ITFG1: variants seen among roughly 807,000 people sequenced by gnomAD.
ITFG1 encodes integrin alpha FG-GAP repeat containing 1.
Under a neutral mutation model 81.8 loss-of-function variants are expected in ITFG1, and 34 were observed. That is an observed-to-expected ratio of 0.42 (90% confidence interval 0.32 to 0.55). The LOEUF is 0.55. Among genes scored for constraint, ITFG1 ranks in the 20% least tolerant of loss-of-function variants. ITFG1 has a pLI of 0.17. For synonymous variants in ITFG1, 285 were observed against 270.6 expected, an observed-to-expected ratio of 1.05 and a Z score of -0.52; for missense variants, 672 against 755.4, an observed-to-expected ratio of 0.89 and a Z score of 1.29.
chr16:47,156,137 A>C (rs1387021739), intron 17 of ITFG1, among the ~76,000 whole-genome samples: 1 of 152,202 alleles, frequency 6.6e-6, no homozygotes, highest in African/African-American at 2.4e-5. Flanking sequence ...AATGATGTTA[A>C]TAAACAAATC....
intron 4 of ITFG1, 148 bp downstream of exon 4, chr16:47,452,585 T>C: frequency 5.0e-6 from 3 of 604,098 alleles, no homozygotes; most frequent in South Asian, 4.3e-5. Context: ...TTGTCCTATC[T>C]GATGGCAAAT....
intron 14 of ITFG1, among the ~76,000 whole-genome samples, chr16:47,174,834 T>C (rs1965005390): frequency 6.6e-6 from 1 of 152,202 alleles, no homozygotes; most frequent in Admixed American, 6.5e-5. Flanking sequence ...TGAAAGGTTT[T>C]AAACCACAAG....
chr16:47,458,375 C>T (rs868036655), intron 2 of ITFG1, among the ~76,000 whole-genome samples: 2 of 152,154 alleles, frequency 1.3e-5, no homozygotes, highest in Non-Finnish European at 2.9e-5. Context: ...CCAAGTTGAA[C>T]GTCTTCACCT....
chr16:47,360,819 C>G (rs1173557967), intron 8 of ITFG1, among the ~76,000 whole-genome samples: 1 of 152,150 alleles, frequency 6.6e-6, no homozygotes, highest in East Asian at 1.9e-4. Context: ...GCTATAAATG[C>G]TTTGAAATCA....
chr16:47,357,459 A>T (rs528352617), intron 8 of ITFG1, among the ~76,000 whole-genome samples: 1 of 152,068 alleles, frequency 6.6e-6, no homozygotes, highest in Non-Finnish European at 1.5e-5. Context: ...CTAAAAATAC[A>T]AAACAATTAG....
Position 47,454,165 on chromosome 16 carries a change from G to C in ITFG1, c.282-7C>G. 1 of 1,590,446 alleles carries C rather than the reference G, an allele frequency of 6.3e-7. No individual in the cohort carries two copies. The highest frequency in any genetic ancestry group is 8.6e-7 in the Non-Finnish European group (1 of 1,165,338). On this transcript the variant is annotated splice_region_variant and splice_polypyrimidine_tract_variant and intron_variant, in intron 2 of 17. Transcript: ENST00000320640. ...TATCAATGCACTGTGATTCCTAAAA[G>C]AAACAAGCATTTACAAATATCAGAC...
intron 8 of ITFG1, among the ~76,000 whole-genome samples, chr16:47,336,047 C>T (rs559569950): frequency 1.1e-4 from 17 of 152,274 alleles, no homozygotes; most frequent in South Asian, 4.1e-4. Context: ...GAACAAATTA[C>T]GAATACATAT....
chr16:47,390,750 G>A (rs1968520250), intron 6 of ITFG1, among the ~76,000 whole-genome samples: 4 of 152,108 alleles, frequency 2.6e-5, no homozygotes, highest in Admixed American at 6.6e-5. Context: ...GTGAGTGACC[G>A]TGCCCGGCCA....
At chr16:47,319,240 G>A (rs933798240) in intron 8 of ITFG1, among the ~76,000 whole-genome samples, 10 of 152,310 alleles carry the variant, frequency 6.6e-5, no homozygotes, top group Admixed American at 1.3e-4. Context: ...GTCTTTAGAT[G>A]TTGGGAAGCT....
At chr16:47,454,292 C>T in intron 2 of ITFG1, 134 bp from the exon 3 acceptor site, 1 of 747,866 alleles carries the variant, frequency 1.3e-6, no homozygotes, top group Non-Finnish European at 2.3e-6. Flanking sequence ...CTTCTCTTTC[C>T]TATCTTTTCA....
intron 10 of ITFG1, among the ~76,000 whole-genome samples, chr16:47,302,398 A>G (rs1967090632): frequency 6.6e-6 from 1 of 151,658 alleles, no homozygotes; most frequent in Non-Finnish European, 1.5e-5. Flanking sequence ...TTTTTTAGCA[A>G]TGTTAATGAC....
rs1965660699 is a variant in ITFG1 at position 47,219,069 on chromosome 16, ATT to A, written c.1375-125_1375-124del. 3.0e-5 allele frequency: 14 copies of A among 462,022 alleles called. No homozygotes were observed. The South Asian group carries it at 7.0e-4, about 23-fold the overall frequency. The allele number at this position is 462,022 out of a possible 1,614,324, so 28.6% of individuals were successfully genotyped here. On this transcript the variant is annotated intron_variant, in intron 13 of 17. Transcript: ENST00000320640. The stretch of plus-strand genomic sequence containing the variant: ...TGACAGTTACTTAGAGACCCCTTCC[ATT>A]AACAGCACATCAAAAGAAAACCTGT...
intron 6 of ITFG1, among the ~76,000 whole-genome samples, chr16:47,424,409 C>T (rs1056038705): frequency 1.3e-5 from 2 of 151,838 alleles, no homozygotes; most frequent in Admixed American, 6.6e-5. Flanking sequence ...TTGCTATTAA[C>T]GATCTTCTGA....
At chr16:47,440,495 C>T (rs1969232530) in intron 5 of ITFG1, among the ~76,000 whole-genome samples, 2 of 152,116 alleles carry the variant, frequency 1.3e-5, no homozygotes, top group Admixed American at 1.3e-4. Context: ...TCTCTCAGAC[C>T]ACATTGCAAT....
intron 6 of ITFG1, among the ~76,000 whole-genome samples, chr16:47,409,481 T>C (rs1968781446): frequency 7.8e-6 from 1 of 128,146 alleles, no homozygotes; most frequent in South Asian, 2.9e-4. Context: ...AGTGGCACGA[T>C]CTCGGCTCAC....
At chr16:47,227,310 A>G (rs1322453280) in intron 13 of ITFG1, among the ~76,000 whole-genome samples, 2 of 152,198 alleles carry the variant, frequency 1.3e-5, no homozygotes, top group Non-Finnish European at 1.5e-5. Flanking sequence ...GTATTGCTGT[A>G]TCTTTCACAC....
intron 14 of ITFG1, among the ~76,000 whole-genome samples, chr16:47,176,852 TAA>T (rs1377003642): frequency 1.2e-4 from 19 of 152,230 alleles, no homozygotes; most frequent in Admixed American, 1.2e-3. Context: ...CCTTTTTTGA[TAA>T]GTGATAAAAT....
At chr16:47,313,906 A>G (rs1364165996) in intron 8 of ITFG1, 83 bp from the exon 9 acceptor site, 2 of 685,298 alleles carry the variant, frequency 2.9e-6, no homozygotes, top group Admixed American at 3.1e-5. Context: ...CTATTTGTTC[A>G]AAGTCTACAT....
chr16:47,239,254 G>A lies in ITFG1; in HGVS notation c.1331-1246C>T, dbSNP rs1333470982. 2.0e-5 allele frequency among the ~76,000 whole-genome samples: 3 copies of A among 151,718 alleles called. No homozygotes were observed. The East Asian group carries it at 5.8e-4, about 29-fold the overall frequency. On this transcript the variant is annotated intron_variant, in intron 12 of 17. Transcript: ENST00000320640. ...TCTTGCTCTGTCGCCAGGCTGGAGT[G>A]CAGTGGCACGATCTTGGCTCACTGC...
Sources: allele counts gnomAD v4.1 joint callset (sites outside exome capture counted in the v4.1 genomes callset), GRCh38; gene constraint gnomAD v4.1.1; transcripts MANE v1.5; gene names NCBI Gene and HGNC (gene_info 2026-07-23, HGNC 2026-07-21).